Variants in SPIDR observed in about 807,000 individuals in gnomAD.
SPIDR encodes the protein DNA repair-scaffolding protein.
SPIDR carries 93 observed loss-of-function variants against 104.6 expected under a neutral mutation model. The ratio of observed to expected loss-of-function variants is 0.89; its 90% CI spans 0.75 to 1.06. The LOEUF (loss-of-function observed/expected upper bound fraction) is 1.06, where lower values mean the gene tolerates loss of function less well. SPIDR is among the 50% of genes least tolerant of loss of function. The pLI is 0.00. For missense variants in SPIDR, 1,154 were observed against 1,111.2 expected, an observed-to-expected ratio of 1.04 and a Z score of -0.55; for synonymous variants, 431 against 416.9, an observed-to-expected ratio of 1.03 and a Z score of -0.41.
At chr8:47,263,304 G>A (rs540111886) in intron 1 of SPIDR, among the ~76,000 whole-genome samples, 89 of 152,288 alleles carry the variant, frequency 5.8e-4, no homozygotes, top group African/African-American at 2.0e-3. Flanking sequence ...AGACTACTGC[G>A]TCACTGTACT....
At chr8:47,567,758 TC>T (rs1415980192) in intron 8 of SPIDR, among the ~76,000 whole-genome samples, 2 of 149,498 alleles carry the variant, frequency 1.3e-5, no homozygotes, top group African/African-American at 4.9e-5. Context: ...TTTGTTTTCT[TC>T]TTTTCTTTTC....
intron 5 of SPIDR, among the ~76,000 whole-genome samples, chr8:47,310,871 A>G (rs1188405969): frequency 6.6e-6 from 1 of 152,250 alleles, no homozygotes; most frequent in African/African-American, 2.4e-5. Context: ...TCAGAAGAAC[A>G]TAATCAAATC....
intron 8 of SPIDR, among the ~76,000 whole-genome samples, chr8:47,479,735 C>T (rs533505664): frequency 6.6e-6 from 1 of 152,164 alleles, no homozygotes; most frequent in Non-Finnish European, 1.5e-5. Flanking sequence ...AAGGAATTTG[C>T]TACACATTCT....
chr8:47,604,858 C>G (rs546560001), intron 10 of SPIDR, among the ~76,000 whole-genome samples: 1 of 152,210 alleles, frequency 6.6e-6, no homozygotes, highest in South Asian at 2.1e-4. Flanking sequence ...ACATACCTTA[C>G]GCCCAGAGGG....
intron 10 of SPIDR, among the ~76,000 whole-genome samples, chr8:47,603,558 A>AT (rs1342931993): frequency 3.6e-4 from 53 of 145,758 alleles, no homozygotes; most frequent in African/African-American, 1.3e-3. Flanking sequence ...ATACCCAGCT[A>AT]ATTTTTTTTT....
chr8:47,454,501 G>A (rs573889990), intron 8 of SPIDR, among the ~76,000 whole-genome samples: 59 of 152,034 alleles, frequency 3.9e-4, no homozygotes, highest in Admixed American at 1.1e-3. Flanking sequence ...GGGGAAGCGG[G>A]GAAGGGATAG....
rs117637837 is a variant in SPIDR, at chr8:47,609,398, C to T, written c.1544+10202C>T. ...TTGCCCTTATATTTTGGTCTGTGATCCATTTTGAGTTAATTTGTGTGTATG... is the reference window on the plus strand; with the variant it reads ...TTGCCCTTATATTTTGGTCTGTGATTCATTTTGAGTTAATTTGTGTGTATG... On this transcript the variant is annotated intron_variant, in intron 10 of 19. Transcript: ENST00000297423. Among the ~76,000 whole-genome samples, 1,322 of 152,198 alleles carry T rather than the reference C, an allele frequency of 8.7e-3. 10 individuals are homozygous for T. The highest frequency in any genetic ancestry group is 0.023 in the South Asian group (109 of 4,814).
intron 5 of SPIDR, among the ~76,000 whole-genome samples, chr8:47,330,283 T>C (rs2048435781): frequency 6.6e-6 from 1 of 152,116 alleles, no homozygotes. Flanking sequence ...CCCCCACATA[T>C]GCATAGCTTT....
intron 16 of SPIDR, among the ~76,000 whole-genome samples, chr8:47,715,708 T>C (rs184891129): frequency 8.7e-4 from 133 of 152,344 alleles, no homozygotes; most frequent in African/African-American, 2.5e-3. Context: ...TGCACAGATA[T>C]GCCACATTTT....
intron 5 of SPIDR, among the ~76,000 whole-genome samples, chr8:47,353,328 C>T (rs2053921699): frequency 6.6e-6 from 1 of 152,188 alleles, no homozygotes; most frequent in Non-Finnish European, 1.5e-5. Context: ...ACTTCACCGC[C>T]TCTTACCTGC....
rs2041078200 is a variant in SPIDR, at chr8:47,297,462, T to C, written c.525+3432T>C. Reference sequence around the variant, plus strand: ...CACATGCTTTTTCCATATCTATTTTTTTTTATTATTATACTTTAAGTTTTA... The same window carrying C: ...CACATGCTTTTTCCATATCTATTTTCTTTTATTATTATACTTTAAGTTTTA... On this transcript the variant is annotated intron_variant, in intron 5 of 19. Transcript: ENST00000297423. Among the ~76,000 whole-genome samples the C allele has an allele frequency of 3.3e-5, 5 of 152,182 alleles. No homozygotes were observed. The South Asian group carries it at 1.0e-3, about 32-fold the overall frequency.
chr8:47,495,534 C>T (rs1217301968), intron 8 of SPIDR, among the ~76,000 whole-genome samples: 1 of 152,106 alleles, frequency 6.6e-6, no homozygotes, highest in Non-Finnish European at 1.5e-5. Context: ...CCATTAGCTA[C>T]TACTTTTCAT....
At chr8:47,320,823 A>G (rs2046408903) in intron 5 of SPIDR, among the ~76,000 whole-genome samples, 1 of 152,228 alleles carries the variant, frequency 6.6e-6, no homozygotes, top group Non-Finnish European at 1.5e-5. Flanking sequence ...AATCCATCAT[A>G]TAAACAGAAC....
intron 2 of SPIDR, among the ~76,000 whole-genome samples, chr8:47,281,557 CTACTT>C (rs2037781594): frequency 1.3e-5 from 2 of 152,210 alleles, no homozygotes; most frequent in African/African-American, 4.8e-5. Flanking sequence ...TCTCCAGAAA[CTACTT>C]TATTTGTTCA....
intron 5 of SPIDR, among the ~76,000 whole-genome samples, chr8:47,363,346 CA>C (rs1472734759): frequency 3.3e-5 from 5 of 150,288 alleles, no homozygotes; most frequent in Non-Finnish European, 7.4e-5. Context: ...GCTGGGACTA[CA>C]GGCGCCCGCC....
chr8:47,625,267 C>T (rs767853269), intron 10 of SPIDR, among the ~76,000 whole-genome samples: 1 of 152,184 alleles, frequency 6.6e-6, no homozygotes, highest in East Asian at 1.9e-4. Context: ...ATGGCAAACC[C>T]ACAGCCAATA....
At chr8:47,559,278 A>G (rs1370422504) in intron 8 of SPIDR, among the ~76,000 whole-genome samples, 1 of 152,270 alleles carries the variant, frequency 6.6e-6, no homozygotes, top group Non-Finnish European at 1.5e-5. Context: ...ACAATTCAGT[A>G]CTGAACAAAT....
chr8:47,488,372 C>A (rs1470557326), intron 8 of SPIDR, among the ~76,000 whole-genome samples: 3 of 152,146 alleles, frequency 2.0e-5, no homozygotes, highest in Non-Finnish European at 4.4e-5. Flanking sequence ...AGCCTACCAA[C>A]CAAAGAAAGT....
intron 8 of SPIDR, among the ~76,000 whole-genome samples, chr8:47,594,964 C>G (rs1024264598): frequency 5.3e-5 from 8 of 152,020 alleles, no homozygotes; most frequent in Non-Finnish European, 1.0e-4. Context: ...CCACTGCACT[C>G]CAGCCTGGGC....
Sources: gnomAD v4.1 joint callset for allele counts (sites outside exome capture counted in the v4.1 genomes callset) on GRCh38, gnomAD v4.1.1 for gene constraint, MANE v1.5 for transcripts, NCBI Gene and HGNC (gene_info 2026-07-23, HGNC 2026-07-21) for gene names.